DCAF6: variants seen among roughly 807,000 people sequenced by gnomAD.
The protein encoded by DCAF6 is DDB1- and CUL4-associated factor 6.
Under a neutral mutation model 125.1 loss-of-function variants are expected in DCAF6, and 54 were observed. The observed-to-expected ratio is 0.43, with a 90% CI of 0.35 to 0.54. The LOEUF is 0.54. Among genes scored for constraint, DCAF6 ranks in the 20% least tolerant of loss-of-function variants. The probability of loss-of-function intolerance (pLI) is 0.01; values close to 1 mark genes in which losing one functional copy is unlikely to be tolerated. For missense variants in DCAF6, 934 were observed against 1,161.7 expected (o/e 0.80, Z 2.85); for synonymous variants, 371 against 390.4 (o/e 0.95, Z 0.58).
chr1:167,966,559 G>A (rs1350165450), intron 2 of DCAF6, 70 bp from the exon 3 acceptor site: 4 of 989,124 alleles, frequency 4.0e-6, no homozygotes, highest in Non-Finnish European at 6.5e-6. Context: ...TGTACCGCCA[G>A]GTGAGTGAAA....
the DCAF6 span, chr1:167,899,380 A>G: frequency 6.3e-7 from 1 of 1,598,426 alleles, no homozygotes; most frequent in Non-Finnish European, 8.6e-7. Flanking sequence ...GGCCTCTGTT[A>G]CAGGCTGGCA....
intron 4 of DCAF6, among the ~76,000 whole-genome samples, chr1:167,983,886 G>T (rs925556754): frequency 6.6e-6 from 1 of 152,124 alleles, no homozygotes; most frequent in Non-Finnish European, 1.5e-5. Context: ...GTCCTTAAAA[G>T]GCAGCTTTTC....
intron 17 of DCAF6, among the ~76,000 whole-genome samples, chr1:168,053,170 T>C (rs912200319): frequency 6.6e-6 from 1 of 152,202 alleles, no homozygotes; most frequent in Admixed American, 6.5e-5. Flanking sequence ...GGCCCATATA[T>C]TCCCTAATCA....
At chr1:167,925,899 T>C in the DCAF6 span, among the ~76,000 whole-genome samples, 4 of 152,256 alleles carry the variant, frequency 2.6e-5, no homozygotes, top group African/African-American at 9.6e-5. Context: ...ATCAGCCTGA[T>C]ACTTAAATAT....
Position 168,044,662 on chromosome 1 carries a change from A to G in DCAF6, c.1921A>G (p.Ile641Val), listed in dbSNP as rs144704671. Residue 641 changes from isoleucine to valine, a missense_variant, in exon 15 of 22, where the codon ATC (isoleucine) becomes GTC (valine). This residue lies in a region of DCAF6 where 559 missense variants were observed against 635.5 expected (regional missense o/e 0.88). Transcript: ENST00000367840. ...TGCAGAAAACCCAGTTGAGAACCAT[A>G]TCAATATAAGTGAGTTGCTCCCTTT... ...VSAENPVENHINITQSDKFTA... is the reference protein window; with the variant it reads ...VSAENPVENHVNITQSDKFTA... 64 of 1,610,584 alleles carry G rather than the reference A, an allele frequency of 4.0e-5. No homozygotes were observed. Among genetic ancestry groups the G allele is most frequent in the Non-Finnish European group, 2.5e-5 (30 of 1,177,016 alleles).
chr1:168,025,945 C>T (rs2103266197), intron 12 of DCAF6, among the ~76,000 whole-genome samples: 1 of 152,328 alleles, frequency 6.6e-6, no homozygotes. Flanking sequence ...TCACTAAGCT[C>T]TTGCCAAATA....
At position 168,063,684 on chromosome 1, in the gene DCAF6, A is replaced by G; in HGVS notation, c.2364A>G (p.Glu788=). The G allele has an allele frequency of 1.2e-6, 2 of 1,604,294 alleles. No homozygotes were observed. Among genetic ancestry groups the G allele is most frequent in the Non-Finnish European group, 1.7e-6 (2 of 1,176,252 alleles). Residue 788 remains glutamate, a synonymous_variant, in exon 18 of 22, where the codon GAA becomes GAG. Coordinates refer to ENST00000367840, the MANE Select transcript of DCAF6 (RefSeq NM_001198956.2). The part of the protein sequence containing the change: ...FRRRKERKEM[E]ELDTLNIRRP... Reference sequence around the variant, plus strand: ...GGAGAAAAGAAAGGAAAGAAATGGAAGAATTGGATACTTTGAACATTAGAA... The same window carrying G: ...GGAGAAAAGAAAGGAAAGAAATGGAGGAATTGGATACTTTGAACATTAGAA...
intron 2 of DCAF6, among the ~76,000 whole-genome samples, chr1:167,964,767 A>G (rs904478717): frequency 2.0e-5 from 3 of 151,806 alleles, no homozygotes; most frequent in African/African-American, 7.3e-5. Flanking sequence ...TCAGTTTTGT[A>G]CGTTTTTATT....
At chr1:168,040,887 TA>T (rs59960933) in intron 13 of DCAF6, among the ~76,000 whole-genome samples, 7,450 of 115,010 alleles carry the variant, frequency 0.065, 508 homozygotes, top group African/African-American at 0.19. Context: ...ACATTCATTG[TA>T]AAAAAAAAAA....
At chr1:167,954,699 G>A (rs1249032505) in intron 2 of DCAF6, among the ~76,000 whole-genome samples, 11 of 151,108 alleles carry the variant, frequency 7.3e-5, no homozygotes, top group Non-Finnish European at 1.3e-4. Flanking sequence ...TGATCCGCCC[G>A]CCTCTGCCTC....
intron 21 of DCAF6, among the ~76,000 whole-genome samples, chr1:168,072,663 C>T (rs981023114): frequency 2.6e-5 from 4 of 152,086 alleles, no homozygotes; most frequent in African/African-American, 9.7e-5. Flanking sequence ...TAAATAAGTA[C>T]ACATCTAGTA....
At chr1:168,070,190 C>G (rs1290315254) in intron 21 of DCAF6, among the ~76,000 whole-genome samples, 1 of 151,918 alleles carries the variant, frequency 6.6e-6, no homozygotes, top group African/African-American at 2.4e-5. Context: ...ATCAAAAAGA[C>G]AATTTCTAGT....
At chr1:168,003,849 A>C (rs1210131714) in intron 8 of DCAF6, 21 bp from the exon 9 acceptor site, 10 of 1,595,772 alleles carry the variant, frequency 6.3e-6, no homozygotes, top group Non-Finnish European at 8.5e-6. Context: ...AAACTCACTG[A>C]TAAGACCTAT....
intron 7 of DCAF6, among the ~76,000 whole-genome samples, chr1:168,000,900 G>A (rs2103064030): frequency 6.6e-6 from 1 of 152,152 alleles, no homozygotes; most frequent in East Asian, 1.9e-4. Flanking sequence ...AAACGGTCTG[G>A]AATTATATAA....
the DCAF6 span, among the ~76,000 whole-genome samples, chr1:167,884,336 G>T: frequency 6.6e-6 from 1 of 152,050 alleles, no homozygotes; most frequent in Admixed American, 6.6e-5. Flanking sequence ...GAGAGCAGGG[G>T]GAGTGCTACA....
the DCAF6 span, chr1:167,918,306 G>A: frequency 7.7e-6 from 12 of 1,561,398 alleles, no homozygotes; most frequent in East Asian, 2.3e-5. Flanking sequence ...AGATTGTTCA[G>A]GTGATCAGGA....
rs879894862 is a variant in DCAF6, at chr1:168,027,863, T to C, written c.1609+4816T>C. 2.2e-4 allele frequency among the ~76,000 whole-genome samples: 33 copies of C among 152,276 alleles called. No homozygotes were observed. In the East Asian group the frequency reaches 6.0e-3, roughly 28 times the overall value. On this transcript the variant is annotated intron_variant, in intron 12 of 21. Transcript: ENST00000367840. ...CAATTTGATAGAAGTATGTTTAGCCTGAATCTTCATTCATTAATGCAGCTC... is the reference window on the plus strand; with the variant it reads ...CAATTTGATAGAAGTATGTTTAGCCCGAATCTTCATTCATTAATGCAGCTC...
At chr1:168,004,095 A>G in intron 9 of DCAF6, 106 bp downstream of exon 9, 4 of 1,325,890 alleles carry the variant, frequency 3.0e-6, no homozygotes, top group Non-Finnish European at 3.1e-6. Flanking sequence ...TACATCTGTA[A>G]TAATCACAAG....
the DCAF6 span, among the ~76,000 whole-genome samples, chr1:167,889,694 C>T: frequency 9.2e-5 from 14 of 152,116 alleles, no homozygotes; most frequent in South Asian, 2.1e-4. Flanking sequence ...GTGAATACTT[C>T]GGGTCCCAGA....
Sources: allele counts gnomAD v4.1 joint callset (sites outside exome capture counted in the v4.1 genomes callset), GRCh38; gene constraint gnomAD v4.1.1; regional missense constraint gnomAD v4.1.1; transcripts MANE v1.5; gene names NCBI Gene and HGNC (gene_info 2026-07-23, HGNC 2026-07-21).